Variants in FXYD1 observed in about 807,000 individuals in gnomAD.
FXYD1 encodes the protein phospholemman.
A neutral mutation model predicts 17.2 loss-of-function variants in FXYD1; 9 were observed. The ratio of observed to expected loss-of-function variants is 0.52; its 90% CI spans 0.32 to 0.91. The LOEUF is 0.91. Ranked by LOEUF, FXYD1 falls within the 40% of genes least tolerant of loss-of-function variation. FXYD1 has a pLI of 0.04. For missense variants in FXYD1, 113 were observed against 120.6 expected (o/e 0.94, Z 0.29); for synonymous variants, 55 against 45.8 (o/e 1.20, Z -0.81).
rs144594131 is a variant in FXYD1, at chr19:35,140,354, C to T, written c.61+214C>T. Reference sequence around the variant, plus strand: ...AAGATGGGGTGGGATGGGGCTGAATCCCCGATGGGATAACTGGGTCACAGA... The same window carrying T: ...AAGATGGGGTGGGATGGGGCTGAATTCCCGATGGGATAACTGGGTCACAGA... On this transcript the variant is annotated intron_variant, in intron 2 of 7. Coordinates refer to ENST00000351325, the MANE Select transcript of FXYD1 (RefSeq NM_021902.4). 2.3e-3 allele frequency among the ~76,000 whole-genome samples: 350 copies of T among 152,208 alleles called. 5 individuals are homozygous for T. In the South Asian group the frequency reaches 0.044, roughly 19 times the overall value.
At position 35,141,582 on chromosome 19, in the gene FXYD1, C is replaced by T; in HGVS notation, c.206+10C>T. The T allele has an allele frequency of 6.2e-7, 1 of 1,605,948 alleles. No individual in the cohort carries two copies. The highest frequency in any genetic ancestry group is 8.5e-7 in the Non-Finnish European group (1 of 1,175,472). ...TCAACCAGCAGCAGAGGTAAGACGC[C>T]CCTCCCCGCCCTCCTTCGCCCGCTC... is the stretch of plus-strand genomic sequence containing the variant. On this transcript the variant is annotated intron_variant, in intron 5 of 7. Transcript: ENST00000351325.
At chr19:35,142,847 C>A in intron 7 of FXYD1, 70 bp from the exon 8 acceptor site, 1 of 1,159,948 alleles carries the variant, frequency 8.6e-7, no homozygotes, top group Non-Finnish European at 1.3e-6. Context: ...GGCCAAGTGC[C>A]AGAGTTGAAG....
chr19:35,139,937 C>G (rs1226639809), intron 1 of FXYD1, 139 bp from the exon 2 acceptor site: 1 of 710,512 alleles, frequency 1.4e-6, no homozygotes, highest in Non-Finnish European at 2.4e-6. Context: ...ACCCGTTTCT[C>G]TAGCTTGGAG....
intron 5 of FXYD1, chr19:35,142,238 A>C: frequency 2.3e-6 from 1 of 442,796 alleles, no homozygotes; most frequent in Non-Finnish European, 4.0e-6. Context: ...CCAACTTCAC[A>C]TCCCTGCCCC....
chr19:35,139,733 T>G, intron 1 of FXYD1: 1 of 283,140 alleles, frequency 3.5e-6, no homozygotes, highest in Non-Finnish European at 6.9e-6. Context: ...CTGCTCTGTG[T>G]TTGTGTGAGG....
intron 6 of FXYD1, 69 bp from the exon 7 acceptor site, chr19:35,142,651 C>A: frequency 6.4e-7 from 1 of 1,558,852 alleles, no homozygotes; most frequent in Admixed American, 1.7e-5. Context: ...TGCCCCGCCG[C>A]GGGCCCCACC....
chr19:35,139,313 C>A (rs1281968558), intron 1 of FXYD1: 1 of 152,706 alleles, frequency 6.5e-6, no homozygotes, highest in East Asian at 1.9e-4. Context: ...ATCCCTGCCC[C>A]AGCATGTGTT....
intron 2 of FXYD1, 120 bp downstream of exon 2, chr19:35,140,260 G>A: frequency 1.4e-6 from 1 of 710,326 alleles, no homozygotes; most frequent in Non-Finnish European, 2.6e-6. Context: ...AGAAGTTTGG[G>A]GGTCTCCACG....
At position 35,142,545 on chromosome 19, in the gene FXYD1, A is replaced by G. The variant is rs374848502; in HGVS notation, c.256+24A>G. 26 of 1,608,856 alleles carry G rather than the reference A, an allele frequency of 1.6e-5. No homozygotes were observed. In the African/African-American group the frequency reaches 2.1e-4, roughly 13 times the overall value. On this transcript the variant is annotated intron_variant, in intron 6 of 7. Coordinates refer to ENST00000351325, the MANE Select transcript of FXYD1 (RefSeq NM_021902.4). Reference sequence around the variant, plus strand: ...CCGTGAGTCTGGGGAGACTGCGGGTATTCTGGGGAGAGGGCTGGTTCCAAG... The same window carrying G: ...CCGTGAGTCTGGGGAGACTGCGGGTGTTCTGGGGAGAGGGCTGGTTCCAAG...
intron 1 of FXYD1, 134 bp downstream of exon 1, chr19:35,139,028 G>A (rs1472057672): frequency 1.3e-5 from 2 of 152,456 alleles, no homozygotes; most frequent in Non-Finnish European, 2.9e-5. Context: ...GGTTGAGGCA[G>A]TGGGTTCTGC....
chr19:35,141,343 G>GGCCCC (rs2065252519), intron 4 of FXYD1, 137 bp downstream of exon 4: 3 of 239,248 alleles, frequency 1.3e-5, no homozygotes, highest in Middle Eastern at 1.4e-3. Flanking sequence ...GCCCCTCCCT[G>GGCCCC]GCCCCGCCCC....
At chr19:35,137,188 A>G (rs2065214896), upstream of FXYD1, among the ~76,000 whole-genome samples, 1 of 152,236 alleles carries the variant, frequency 6.6e-6, no homozygotes, top group African/African-American at 2.4e-5. Context: ...AAAATGAGGC[A>G]CAGAGCTGCT....
intron 4 of FXYD1, 123 bp from the exon 5 acceptor site, chr19:35,141,413 C>G (rs1184623225): frequency 1.2e-6 from 1 of 822,118 alleles, no homozygotes; most frequent in South Asian, 1.4e-5. Flanking sequence ...GGCCCCCGGT[C>G]TCGCCTCTAG....
chr19:35,143,109 A>T lies in FXYD1; in HGVS notation c.*222A>T. 1.9e-6 allele frequency: 1 copy of T among 540,010 alleles called. No homozygotes were observed. Among genetic ancestry groups the T allele is most frequent in the Non-Finnish European group, 3.2e-6 (1 of 308,952 alleles). 33.5% of individuals were successfully genotyped at this position (540,010 alleles called of 1,614,324 possible). On this transcript the variant is annotated 3_prime_UTR_variant, in exon 8 of 8. Transcript: ENST00000351325. This position sits in a 1 kb window ranked among gnomAD's most constrained non-coding sequence, Gnocchi z 4.3. ...AACGCCAGCGCCACTGGGCCCCAGC[A>T]GGGGGCGCCCCACCCTAGAGGAAGG...
Position 35,142,477 on chromosome 19 carries a change from G to A in FXYD1, c.212G>A (p.Gly71Glu), listed in dbSNP as rs2065265626. 2 of 1,612,124 alleles carry A rather than the reference G, an allele frequency of 1.2e-6. No homozygotes were observed. The highest frequency in any genetic ancestry group is 1.3e-5 in the African/African-American group (1 of 74,850). Residue 71 changes from glycine (G) to glutamate (E), a missense_variant, in exon 6 of 8, where the codon GGG becomes GAG. Physicochemically the swap from Gly to Glu is moderately conservative, Grantham distance 98. Transcript: ENST00000351325. ...RCKFNQQQRT[G>E]EPDEEEGTFR... ...CTCTGCCTCTGTCTTCCCAGGACTG[G>A]GGAACCCGATGAAGAGGAGGGAACT...
Position 35,141,169 on chromosome 19 carries a change from C to G in FXYD1, c.132C>G (p.Ala44=), listed in dbSNP as rs1313248372. The G allele has an allele frequency of 3.7e-6, 6 of 1,611,424 alleles. No homozygotes were observed. The highest frequency in any genetic ancestry group is 5.1e-6 in the Non-Finnish European group (6 of 1,178,172). The change falls in exon 4 of 8, where the codon GCC becomes GCG. Residue 44 remains alanine, a synonymous_variant. Transcript: ENST00000351325. ...QSLQIGGLVI[A]GILFILGILI... is the part of the protein sequence containing the mutation. ...TGCAGATCGGAGGCCTCGTCATCGC[C>G]GGGATCCTCTTCATCCTGGGCATCC... is the stretch of plus-strand genomic sequence containing the variant.
rs765051658 is a variant in FXYD1 at position 35,142,474 on chromosome 19, C to T, written c.209C>T (p.Thr70Ile). Reference protein sequence around the residue: ...CRCKFNQQQRTGEPDEEEGTF... With the variant: ...CRCKFNQQQRIGEPDEEEGTF... ...TCCCTCTGCCTCTGTCTTCCCAGGA[C>T]TGGGGAACCCGATGAAGAGGAGGGA... Residue 70 changes from threonine to isoleucine, a missense_variant and splice_region_variant, in exon 6 of 8, where the codon ACT (threonine) becomes ATT (isoleucine). Physicochemically the swap from Thr to Ile is moderately conservative, Grantham distance 89. Coordinates refer to ENST00000351325, the MANE Select transcript of FXYD1 (RefSeq NM_021902.4). 6.2e-7 allele frequency: 1 copy of T among 1,612,022 alleles called. No individual in the cohort carries two copies. The highest frequency in any genetic ancestry group is 1.7e-5 in the Admixed American group (1 of 59,772).
At chr19:35,137,808 T>G (rs1302642490), upstream of FXYD1, 1 of 152,178 alleles carries the variant, frequency 6.6e-6, no homozygotes, top group East Asian at 1.9e-4. Context: ...TGTATATTTT[T>G]TTAGTAGAGA....
At chr19:35,142,306 G>A (rs2065263890) in intron 5 of FXYD1, 166 bp from the exon 6 acceptor site, 3 of 602,820 alleles carry the variant, frequency 5.0e-6, no homozygotes, top group South Asian at 2.2e-5. Context: ...CAGCACATAA[G>A]CTGCTCCTGG....
Sources: allele counts gnomAD v4.1 joint callset (sites outside exome capture counted in the v4.1 genomes callset), GRCh38; gene constraint gnomAD v4.1.1; non-coding constraint Gnocchi (gnomAD v3.1); transcripts MANE v1.5; gene names NCBI Gene and HGNC (gene_info 2026-07-23, HGNC 2026-07-21).